CDK17: variants seen among roughly 807,000 people sequenced by gnomAD.
CDK17 encodes cyclin-dependent kinase 17.
CDK17 carries 24 observed loss-of-function variants against 77.6 expected under a neutral mutation model. The ratio of observed to expected loss-of-function variants is 0.31; its 90% confidence interval spans 0.22 to 0.44. CDK17 has a LOEUF of 0.44. Ranked by LOEUF, CDK17 falls within the 20% of genes least tolerant of loss-of-function variation. The probability of loss-of-function intolerance (pLI) is 1.00; values close to 1 mark genes in which losing one functional copy is unlikely to be tolerated. For missense variants in CDK17, 429 were observed against 622.5 expected (o/e 0.69, Z 3.31); for synonymous variants, 203 against 210.4 (o/e 0.96, Z 0.30).
intron 1 of CDK17, among the ~76,000 whole-genome samples, chr12:96,360,916 G>A (rs921085310): frequency 6.6e-6 from 1 of 152,168 alleles, no homozygotes; most frequent in Non-Finnish European, 1.5e-5. Context: ...AATAAAAGTT[G>A]CTAACCAGGA....
At chr12:96,374,340 T>C (rs1953744823) in intron 1 of CDK17, among the ~76,000 whole-genome samples, 1 of 152,220 alleles carries the variant, frequency 6.6e-6, no homozygotes, top group African/African-American at 2.4e-5. Context: ...AGAAAAATTG[T>C]TAAGTAAAAA....
chr12:96,379,399 A>G (rs1215320309), intron 1 of CDK17, among the ~76,000 whole-genome samples: 1 of 152,174 alleles, frequency 6.6e-6, no homozygotes, highest in Non-Finnish European at 1.5e-5. Flanking sequence ...GTTAAACAAA[A>G]GCATCTATCA....
chr12:96,331,032 C>T (rs938800179), intron 2 of CDK17, among the ~76,000 whole-genome samples: 5 of 152,164 alleles, frequency 3.3e-5, no homozygotes, highest in Non-Finnish European at 5.9e-5. Flanking sequence ...CTGCAACCTC[C>T]GCCTCCTGGG....
At chr12:96,317,275 C>T (rs1252034025) in intron 3 of CDK17, among the ~76,000 whole-genome samples, 1 of 143,262 alleles carries the variant, frequency 7.0e-6, no homozygotes, top group Non-Finnish European at 1.5e-5. Flanking sequence ...ATGAGCAAAG[C>T]CTCCAAGAAA....
At chr12:96,306,721 T>C (rs1485256323) in intron 5 of CDK17, among the ~76,000 whole-genome samples, 1 of 152,140 alleles carries the variant, frequency 6.6e-6, no homozygotes, top group Non-Finnish European at 1.5e-5. Flanking sequence ...GAATATATTA[T>C]CCACAGATAC....
rs184043732 is a variant in CDK17, at chr12:96,349,806, A to T, written c.-29-14941T>A. ...AAGAAAAAGAAATATAAGGCAGCCA[A>T]ATAGGAAATGAAAAAATAAAACTAT... On this transcript the variant is annotated intron_variant, in intron 1 of 16. Coordinates refer to ENST00000261211, the MANE Select transcript of CDK17 (RefSeq NM_002595.5). 2.7e-3 allele frequency among the ~76,000 whole-genome samples: 408 copies of T among 152,310 alleles called. 1 individual carries two copies. Among genetic ancestry groups the T allele is most frequent in the African/African-American group, 9.2e-3 (381 of 41,588 alleles).
chr12:96,299,126 A>G (rs1049214283), intron 6 of CDK17, 143 bp from the exon 7 acceptor site: 1 of 549,244 alleles, frequency 1.8e-6, no homozygotes, highest in East Asian at 3.1e-5. Flanking sequence ...CACAATGATC[A>G]GCCATGGCTT....
At chr12:96,347,142 C>T (rs1215122292) in intron 1 of CDK17, among the ~76,000 whole-genome samples, 1 of 152,034 alleles carries the variant, frequency 6.6e-6, no homozygotes, top group Non-Finnish European at 1.5e-5. Context: ...CACCTAAAAA[C>T]AGAGACTAAA....
chr12:96,341,564 A>C (rs1953123193), intron 1 of CDK17, among the ~76,000 whole-genome samples: 1 of 152,212 alleles, frequency 6.6e-6, no homozygotes, highest in Non-Finnish European at 1.5e-5. Context: ...AAATATAATG[A>C]ATTATCTTAC....
chr12:96,381,856 A>C (rs1347564189), intron 1 of CDK17, among the ~76,000 whole-genome samples: 1 of 151,992 alleles, frequency 6.6e-6, no homozygotes, highest in Non-Finnish European at 1.5e-5. Context: ...GAGCAGTCAA[A>C]GTCTCCTCCT....
intron 1 of CDK17, among the ~76,000 whole-genome samples, chr12:96,357,044 T>C (rs1953404511): frequency 6.6e-6 from 1 of 152,204 alleles, no homozygotes; most frequent in African/African-American, 2.4e-5. Flanking sequence ...AGAAATGTCA[T>C]CTGATGCTTT....
intron 2 of CDK17, among the ~76,000 whole-genome samples, chr12:96,333,695 GTTATCAAGGAAAACC>G (rs1953002651): frequency 1.3e-5 from 2 of 150,098 alleles, no homozygotes; most frequent in Admixed American, 6.6e-5. Flanking sequence ...AAAGGTAGAT[GTTATCAAGGAAAACC>G]TTAACAAATG....
chr12:96,393,916 G>A (rs1307104549), intron 1 of CDK17, among the ~76,000 whole-genome samples: 1 of 152,086 alleles, frequency 6.6e-6, no homozygotes. Flanking sequence ...GTCTAAATTT[G>A]GAGTGATAAG....
chr12:96,288,970 A>G (rs1422876200), intron 11 of CDK17, among the ~76,000 whole-genome samples, 197 bp downstream of exon 11: 1 of 152,258 alleles, frequency 6.6e-6, no homozygotes, highest in African/African-American at 2.4e-5. Flanking sequence ...GAATAAAGTT[A>G]ACACATAGTT....
chr12:96,367,404 T>G (rs2137200257), intron 1 of CDK17, among the ~76,000 whole-genome samples: 1 of 148,522 alleles, frequency 6.7e-6, no homozygotes, highest in South Asian at 2.2e-4. Context: ...TTCTCAAGTC[T>G]GAGGTTAATT....
At chr12:96,281,529 C>T (rs1044690900) in intron 15 of CDK17, among the ~76,000 whole-genome samples, 24 of 152,182 alleles carry the variant, frequency 1.6e-4, no homozygotes, top group African/African-American at 5.8e-4. Flanking sequence ...CCACCACGCC[C>T]AGCTAATTTT....
chr12:96,311,166 C>T lies in CDK17; in HGVS notation c.429G>A (p.Lys143=), dbSNP rs751156102. The T allele has an allele frequency of 5.2e-6, 8 of 1,533,848 alleles. No homozygotes were observed. The highest frequency in any genetic ancestry group is 2.5e-5 in the East Asian group (1 of 40,466). Residue 143 remains lysine (K), a synonymous_variant, in exon 5 of 17, where the codon AAG becomes AAA. Transcript: ENST00000261211. ...HRRISMEDLN[K]RLSLPADIRI... is the part of the protein sequence containing the mutation. ...TGATGTCTGCAGGCAGTGATAACCG[C>T]TTATTTAAATCCTTAAAAAAAAAAA...
intron 1 of CDK17, among the ~76,000 whole-genome samples, chr12:96,360,052 A>AG (rs1953468562): frequency 6.6e-6 from 1 of 152,220 alleles, no homozygotes; most frequent in African/African-American, 2.4e-5. Flanking sequence ...AAATGACACA[A>AG]GAGCCTATAA....
intron 3 of CDK17, among the ~76,000 whole-genome samples, chr12:96,320,623 G>T (rs1405725208): frequency 6.6e-6 from 1 of 151,774 alleles, no homozygotes; most frequent in East Asian, 1.9e-4. Flanking sequence ...TAGATCAATG[G>T]AACAGAACAG....
Sources: allele counts gnomAD v4.1 joint callset (sites outside exome capture counted in the v4.1 genomes callset), GRCh38; gene constraint gnomAD v4.1.1; transcripts MANE v1.5; gene names NCBI Gene and HGNC (gene_info 2026-07-23, HGNC 2026-07-21).